Variants in CLTRN observed in about 807,000 individuals in gnomAD.
CLTRN encodes collectrin, amino acid transport regulator, also known as collectrin.
CLTRN carries 12 observed loss-of-function variants against 14.5 expected under a neutral mutation model. The ratio of observed to expected loss-of-function variants is 0.83; its 90% CI spans 0.53 to 1.34. The LOEUF is 1.34. CLTRN is among the 40% of genes most tolerant of loss of function. The probability of loss-of-function intolerance (pLI) is 0.00; values close to 1 mark genes in which losing one functional copy is unlikely to be tolerated. For synonymous variants in CLTRN, 58 were observed against 56.5 expected (o/e 1.03, Z -0.12); for missense variants, 154 against 165.1 (o/e 0.93, Z 0.37).
At chrX:15,665,562 A>T (rs190522177), upstream of CLTRN, among the ~76,000 whole-genome samples, 147 of 112,308 alleles carry the variant, frequency 1.3e-3, no homozygotes, top group African/African-American at 4.6e-3. Context: ...TGTCCAAGGG[A>T]CATTCTGTGG....
chrX:15,644,878 T>C lies in CLTRN; in HGVS notation c.317+38A>G, dbSNP rs766487000. On this transcript the variant is annotated intron_variant, in intron 4 of 5. Coordinates refer to ENST00000380342, the MANE Select transcript of CLTRN (RefSeq NM_020665.6). ...AAAAACAGTTGAATTAATCAGCAAGTTGATTGACTAATAGAAGGCATATTT... is the reference window on the plus strand; with the variant it reads ...AAAAACAGTTGAATTAATCAGCAAGCTGATTGACTAATAGAAGGCATATTT... 1.8e-5 allele frequency: 16 copies of C among 901,616 alleles called. No individual in the cohort carries two copies. In the Admixed American group the frequency reaches 4.4e-4, roughly 25 times the overall value. 74.3% of individuals were successfully genotyped at this position (901,616 alleles called of 1,213,427 possible).
intron 4 of CLTRN, among the ~76,000 whole-genome samples, chrX:15,644,476 CTAA>C (rs1929012464): frequency 9.0e-6 from 1 of 111,605 alleles, no homozygotes; most frequent in Non-Finnish European, 1.9e-5. Context: ...CCCTCATTAA[CTAA>C]TGAGATAAAA....
intron 5 of CLTRN, among the ~76,000 whole-genome samples, chrX:15,639,010 G>C (rs1330652051): frequency 1.8e-5 from 2 of 111,868 alleles, no homozygotes; most frequent in Non-Finnish European, 3.8e-5. Context: ...CTGATGCTGA[G>C]AGTTGATTTA....
intron 3 of CLTRN, among the ~76,000 whole-genome samples, chrX:15,657,293 C>A (rs1929395293): frequency 8.9e-6 from 1 of 112,675 alleles, no homozygotes; most frequent in African/African-American, 3.2e-5. Context: ...AGCCACTGCA[C>A]CCAGCCCCAG....
intron 5 of CLTRN, among the ~76,000 whole-genome samples, chrX:15,633,934 G>C (rs1928758574): frequency 8.9e-6 from 1 of 111,995 alleles, no homozygotes; most frequent in Admixed American, 9.5e-5. Context: ...TCACAGAATG[G>C]ATGGTCAATA....
rs1245884373 is a variant in CLTRN at position 15,639,680 on chromosome X, G to A, written c.394C>T (p.Leu132Phe). 1 of 1,210,325 alleles carries A rather than the reference G, an allele frequency of 8.3e-7. No individual in the cohort carries two copies. The highest frequency in any genetic ancestry group is 1.8e-5 in the South Asian group (1 of 56,598). ...ACAGATGGGTCCATGGGTGGTGCAAGTGTGGAAGGGATTTTTAAAAATTCC... is the reference window on the plus strand; with the variant it reads ...ACAGATGGGTCCATGGGTGGTGCAAATGTGGAAGGGATTTTTAAAAATTCC... ...TLEFLKIPSTLAPPMDPSVPI... is the reference protein window; with the variant it reads ...TLEFLKIPSTFAPPMDPSVPI... The change falls in exon 5 of 6, where the codon CTT becomes TTT. Residue 132 changes from leucine to phenylalanine, a missense_variant. Physicochemically the swap from Leu to Phe is conservative, Grantham distance 22 (BLOSUM62 0). Transcript: ENST00000380342.
intron 4 of CLTRN, among the ~76,000 whole-genome samples, chrX:15,642,975 T>C (rs1928976488): frequency 9.1e-6 from 1 of 110,302 alleles, no homozygotes; most frequent in African/African-American, 3.3e-5. Flanking sequence ...CACATCCCTG[T>C]AGTCCCAGCT....
chrX:15,634,825 C>T (rs1055152004), intron 5 of CLTRN, among the ~76,000 whole-genome samples: 3 of 103,687 alleles, frequency 2.9e-5, no homozygotes, highest in Non-Finnish European at 5.9e-5. Flanking sequence ...GGAGATATAC[C>T]TAATGCTAGA....
chrX:15,644,137 G>A (rs907022723), intron 4 of CLTRN, among the ~76,000 whole-genome samples: 10 of 111,741 alleles, frequency 8.9e-5, no homozygotes, highest in Non-Finnish European at 1.3e-4. Context: ...TCGGGAAGTC[G>A]GGAAAAATTG....
intron 3 of CLTRN, among the ~76,000 whole-genome samples, chrX:15,652,930 A>C (rs1929256494): frequency 9.0e-6 from 1 of 110,699 alleles, no homozygotes; most frequent in Non-Finnish European, 1.9e-5. Context: ...AAAATACAAA[A>C]ATTAGCCAGG....
At chrX:15,655,283 G>T (rs1488722846) in intron 3 of CLTRN, among the ~76,000 whole-genome samples, 1 of 112,211 alleles carries the variant, frequency 8.9e-6, no homozygotes, top group Admixed American at 9.4e-5. Context: ...CCTGGACCTG[G>T]GTCCTTGTGG....
At chrX:15,656,478 G>T (rs1039425235) in intron 3 of CLTRN, among the ~76,000 whole-genome samples, 3 of 111,228 alleles carry the variant, frequency 2.7e-5, no homozygotes, top group Non-Finnish European at 5.7e-5. Flanking sequence ...TGGTGGGCGG[G>T]GGGGAGACAA....
intron 1 of CLTRN, among the ~76,000 whole-genome samples, chrX:15,674,264 C>T (rs374581740): frequency 1.8e-5 from 2 of 111,879 alleles, no homozygotes; most frequent in African/African-American, 6.5e-5. Context: ...AGTAAAAAAG[C>T]GTAATCTTGG....
At chrX:15,670,430 T>C (rs963208876) in intron 1 of CLTRN, among the ~76,000 whole-genome samples, 4 of 110,455 alleles carry the variant, frequency 3.6e-5, no homozygotes, top group African/African-American at 1.3e-4. Flanking sequence ...TTTTAATAAA[T>C]GACATCCTTC....
intron 3 of CLTRN, among the ~76,000 whole-genome samples, chrX:15,647,573 A>G (rs1929117441): frequency 1.2e-5 from 1 of 82,734 alleles, no homozygotes; most frequent in African/African-American, 4.5e-5. Flanking sequence ...AGGAGCGGGA[A>G]GCTGTCTTGT....
At chrX:15,641,555 C>T (rs1201375949) in intron 4 of CLTRN, among the ~76,000 whole-genome samples, 3 of 110,351 alleles carry the variant, frequency 2.7e-5, no homozygotes, top group Non-Finnish European at 5.7e-5. Flanking sequence ...TCATTGCAGC[C>T]TCAAACTCCT....
At chrX:15,633,227 A>C (rs1009959712) in intron 5 of CLTRN, among the ~76,000 whole-genome samples, 2 of 112,354 alleles carry the variant, frequency 1.8e-5, no homozygotes, top group Non-Finnish European at 3.8e-5. Context: ...TTAAGTATTT[A>C]TTACATGGTA....
rs765249467 is a variant in CLTRN, at chrX:15,673,128, G to A, written c.-506+1861C>T. 7.1e-5 allele frequency among the ~76,000 whole-genome samples: 8 copies of A among 112,565 alleles called. No homozygotes were observed. In the South Asian group the frequency reaches 2.9e-3, roughly 41 times the overall value. On this transcript the variant is annotated intron_variant, in intron 1 of 6. Coordinates refer to the CLTRN transcript ENST00000650271. ...CAGCGTCATCATGATGAGGAACTGGGATTTGCCTTGGGGCTAAAAATTATT... is the reference window on the plus strand; with the variant it reads ...CAGCGTCATCATGATGAGGAACTGGAATTTGCCTTGGGGCTAAAAATTATT...
chrX:15,638,139 A>C (rs1445472981), intron 5 of CLTRN, among the ~76,000 whole-genome samples: 1 of 112,419 alleles, frequency 8.9e-6, no homozygotes, highest in Non-Finnish European at 1.9e-5. Flanking sequence ...AGATTAATAC[A>C]AAACAAAAGT....
Sources: gnomAD v4.1 joint callset for allele counts (sites outside exome capture counted in the v4.1 genomes callset) on GRCh38, gnomAD v4.1.1 for gene constraint, MANE v1.5 for transcripts, NCBI Gene and HGNC (gene_info 2026-07-23, HGNC 2026-07-21) for gene names.